CCDC201: variants seen among roughly 807,000 people sequenced by gnomAD.
The protein encoded by CCDC201 is coiled-coil domain-containing protein 201.
chr7:45,870,764 C>T (rs780234776), intron 1 of CCDC201, among the ~76,000 whole-genome samples: 16 of 150,696 alleles, frequency 1.1e-4, no homozygotes, highest in East Asian at 8.0e-4. Context: ...GATCACGGGG[C>T]GGGCGGGTGG....
intron 1 of CCDC201, among the ~76,000 whole-genome samples, chr7:45,868,905 A>G (rs117385564): frequency 0.01 from 1,553 of 152,340 alleles, 10 homozygotes; most frequent in Non-Finnish European, 0.015. Flanking sequence ...TTCTCCCTCT[A>G]GGTAGTTTCC....
exon 3 of CCDC201, chr7:45,860,547 C>T (rs1192166058): frequency 6.6e-6 from 1 of 152,170 alleles, no homozygotes. Context: ...GTGTTATTAC[C>T]AGGGCTATTG....
intron 2 of CCDC201, among the ~76,000 whole-genome samples, chr7:45,865,763 A>G (rs1002119578): frequency 3.3e-5 from 5 of 152,214 alleles, no homozygotes; most frequent in Non-Finnish European, 5.9e-5. Context: ...CATAGGCAGC[A>G]TCAGTCACGG....
intron 1 of CCDC201, among the ~76,000 whole-genome samples, chr7:45,870,451 C>A (rs897422654): frequency 1.3e-5 from 2 of 152,058 alleles, no homozygotes; most frequent in African/African-American, 4.8e-5. Flanking sequence ...ATACCTAAGA[C>A]AAAGTACTGT....
intron 1 of CCDC201, among the ~76,000 whole-genome samples, chr7:45,868,314 G>C (rs1458162199): frequency 1.3e-5 from 2 of 152,196 alleles, no homozygotes; most frequent in Non-Finnish European, 2.9e-5. Flanking sequence ...TCCAAGGAGA[G>C]TAGGCCAAAA....
chr7:45,873,957 C>CT (rs1191189852), upstream of CCDC201, among the ~76,000 whole-genome samples: 1 of 131,152 alleles, frequency 7.6e-6, no homozygotes, highest in African/African-American at 3.0e-5. Flanking sequence ...GAATCTTGCT[C>CT]TGTAACCCAG....
chr7:45,872,097 G>A (rs965974148), intron 1 of CCDC201, among the ~76,000 whole-genome samples: 1 of 152,226 alleles, frequency 6.6e-6, no homozygotes, highest in African/African-American at 2.4e-5. Flanking sequence ...CTGGAGGACA[G>A]CAGTGGTCAC....
At chr7:45,879,652 G>T in the CCDC201 span, among the ~76,000 whole-genome samples, 64 of 152,266 alleles carry the variant, frequency 4.2e-4, no homozygotes, top group African/African-American at 1.5e-3. Context: ...CAATCACATC[G>T]CACCAGGCCC....
upstream of CCDC201, among the ~76,000 whole-genome samples, chr7:45,877,801 T>C (rs1786832495): frequency 1.3e-5 from 2 of 152,174 alleles, no homozygotes; most frequent in African/African-American, 2.4e-5. Context: ...TGAAATCTCA[T>C]GCCCTTCTCA....
intron 1 of CCDC201, among the ~76,000 whole-genome samples, chr7:45,871,657 C>G (rs888825702): frequency 6.6e-6 from 1 of 152,082 alleles, no homozygotes; most frequent in African/African-American, 2.4e-5. Context: ...AAAGATGAAC[C>G]ACAATTTCTA....
the CCDC201 span, among the ~76,000 whole-genome samples, chr7:45,881,035 C>A: frequency 6.6e-6 from 1 of 152,188 alleles, no homozygotes; most frequent in African/African-American, 2.4e-5. Flanking sequence ...ACACTTCCCA[C>A]CATCTAGTGA....
chr7:45,869,089 C>A (rs1210834656), intron 1 of CCDC201, among the ~76,000 whole-genome samples: 1 of 152,038 alleles, frequency 6.6e-6, no homozygotes, highest in Non-Finnish European at 1.5e-5. Flanking sequence ...CTCTTTTGAA[C>A]AAAACATGCA....
the CCDC201 span, among the ~76,000 whole-genome samples, chr7:45,880,564 A>G: frequency 1.3e-5 from 2 of 151,552 alleles, no homozygotes; most frequent in African/African-American, 4.9e-5. Context: ...TGCAGGTGAC[A>G]GCACCCCATG....
chr7:45,867,700 CT>C lies in CCDC201; in HGVS notation c.19-1207del, dbSNP rs1786692860. 2.6e-5 allele frequency among the ~76,000 whole-genome samples: 4 copies of C among 152,334 alleles called. No individual in the cohort carries two copies. The South Asian group carries it at 8.3e-4, about 32-fold the overall frequency. On this transcript the variant is annotated intron_variant, in intron 1 of 2. Transcript: ENST00000636578. ...CCAGTCTAAGGTGAAACCCTGAGGGCTGCACCTAGGAGTCCACCTGCTCAGG... is the reference window on the plus strand; with the variant it reads ...CCAGTCTAAGGTGAAACCCTGAGGGCGCACCTAGGAGTCCACCTGCTCAGG...
intron 1 of CCDC201, among the ~76,000 whole-genome samples, chr7:45,871,176 G>A (rs1786739518): frequency 1.3e-5 from 2 of 152,174 alleles, no homozygotes; most frequent in African/African-American, 2.4e-5. Context: ...ACATGCATAG[G>A]AGGATGTCAT....
At chr7:45,876,597 A>T (rs905504430), upstream of CCDC201, among the ~76,000 whole-genome samples, 4 of 152,180 alleles carry the variant, frequency 2.6e-5, no homozygotes, top group Admixed American at 1.3e-4. Flanking sequence ...CCTGAATCTC[A>T]GGTCTCTGTG....
chr7:45,883,793 G>A, the CCDC201 span, among the ~76,000 whole-genome samples: 2 of 151,970 alleles, frequency 1.3e-5, no homozygotes, highest in African/African-American at 4.8e-5. Context: ...ATTTGTTAAA[G>A]TATTTGTTTA....
At chr7:45,863,727 C>T (rs574935355) in intron 2 of CCDC201, among the ~76,000 whole-genome samples, 4 of 152,116 alleles carry the variant, frequency 2.6e-5, no homozygotes, top group African/African-American at 7.2e-5. Context: ...AGTCAGATCA[C>T]GTGGAGTGTA....
the CCDC201 span, among the ~76,000 whole-genome samples, chr7:45,881,111 C>A: frequency 6.6e-6 from 1 of 152,190 alleles, no homozygotes; most frequent in East Asian, 1.9e-4. Context: ...GAAGCCCATG[C>A]ATGGTCCGGG....
Sources: gnomAD v4.1 joint callset for allele counts (sites outside exome capture counted in the v4.1 genomes callset) on GRCh38, gnomAD v4.1.1 for gene constraint, MANE v1.5 for transcripts, NCBI Gene and HGNC (gene_info 2026-07-23, HGNC 2026-07-21) for gene names.